Variants in HMGCLL1 observed in about 807,000 individuals in gnomAD.
The protein encoded by HMGCLL1 is 3-hydroxymethyl-3-methylglutaryl-CoA lyase, cytoplasmic.
Under a neutral mutation model 39.1 loss-of-function variants are expected in HMGCLL1, and 36 were observed. The ratio of observed to expected loss-of-function variants is 0.92; its 90% CI spans 0.71 to 1.22. HMGCLL1 has a LOEUF of 1.22. HMGCLL1 is among the 50% of genes most tolerant of loss of function. The pLI is 0.00. For synonymous variants in HMGCLL1, 149 were observed against 144.0 expected (o/e 1.03, Z -0.25); for missense variants, 451 against 416.5 (o/e 1.08, Z -0.72).
At chr6:55,618,581 G>A in the HMGCLL1 span, among the ~76,000 whole-genome samples, 1 of 151,788 alleles carries the variant, frequency 6.6e-6, no homozygotes, top group East Asian at 1.9e-4. Context: ...GTTTTAAAAA[G>A]GCCAACACAG....
chr6:55,630,103 T>C, the HMGCLL1 span, among the ~76,000 whole-genome samples: 1 of 152,106 alleles, frequency 6.6e-6, no homozygotes, highest in East Asian at 1.9e-4. Context: ...CTGGAAAAGC[T>C]GCAGACACTC....
chr6:55,669,190 A>T, the HMGCLL1 span, among the ~76,000 whole-genome samples: 1 of 151,858 alleles, frequency 6.6e-6, no homozygotes, highest in East Asian at 1.9e-4. Context: ...ATCTATCATT[A>T]GTAGCATACA....
At chr6:55,472,329 T>C (rs1333033313) in intron 7 of HMGCLL1, among the ~76,000 whole-genome samples, 1 of 151,596 alleles carries the variant, frequency 6.6e-6, no homozygotes, top group African/African-American at 2.4e-5. Flanking sequence ...GGCTGTGTGG[T>C]GGTATTTCAT....
At chr6:55,638,895 T>C in the HMGCLL1 span, among the ~76,000 whole-genome samples, 3 of 152,148 alleles carry the variant, frequency 2.0e-5, no homozygotes, top group South Asian at 2.1e-4. Context: ...ACTAAATTTA[T>C]ACCATATGGT....
intron 1 of HMGCLL1, among the ~76,000 whole-genome samples, chr6:55,576,599 G>C (rs1412348462): frequency 6.6e-6 from 1 of 152,196 alleles, no homozygotes; most frequent in Non-Finnish European, 1.5e-5. Context: ...TGGAAAGTAA[G>C]AAGACTACTG....
chr6:55,641,014 C>CA, the HMGCLL1 span, among the ~76,000 whole-genome samples: 1 of 151,144 alleles, frequency 6.6e-6, no homozygotes, highest in Admixed American at 6.6e-5. Flanking sequence ...ATGTCTAAAT[C>CA]AAAATATAAA....
intron 3 of HMGCLL1, among the ~76,000 whole-genome samples, chr6:55,539,940 A>AGAAGGAAGGAAGGAAGGAAG (rs753957303): frequency 4.4e-4 from 25 of 57,098 alleles, no homozygotes; most frequent in Non-Finnish European, 8.0e-4. Context: ...GAGGAGGAGG[A>AGAAGGAAGGAAGGAAGGAAG]GAAGGAAGGA....
At chr6:55,487,753 T>C (rs1327032292) in intron 7 of HMGCLL1, among the ~76,000 whole-genome samples, 1 of 152,046 alleles carries the variant, frequency 6.6e-6, no homozygotes, top group Non-Finnish European at 1.5e-5. Context: ...TTAGATTAAG[T>C]TCTCTAACAC....
chr6:55,621,511 C>A, the HMGCLL1 span, among the ~76,000 whole-genome samples: 47 of 151,988 alleles, frequency 3.1e-4, no homozygotes, highest in Non-Finnish European at 4.7e-4. Context: ...GTACCATGAA[C>A]CCTACTGTGA....
chr6:55,508,448 C>T lies in HMGCLL1; in HGVS notation c.542+5600G>A, dbSNP rs151233121. 4.8e-3 allele frequency among the ~76,000 whole-genome samples: 723 copies of T among 151,736 alleles called. 8 individuals are homozygous for T. Among genetic ancestry groups the T allele is most frequent in the African/African-American group, 0.016 (676 of 41,480 alleles). ...TAAATAAGATTAGAAATAAATTTAT[C>T]GAATACTTATTATTTCCAAACTTTA... On this transcript the variant is annotated intron_variant, in intron 5 of 8. Transcript: ENST00000274901.
intron 1 of HMGCLL1, among the ~76,000 whole-genome samples, chr6:55,569,435 A>T (rs4410726): frequency 6.6e-6 from 1 of 151,946 alleles, no homozygotes. Context: ...TTAATAAACA[A>T]TTTAGGTGAC....
At position 55,460,159 on chromosome 6, in the gene HMGCLL1, T is replaced by A. The variant is rs970895596; in HGVS notation, c.796-20600A>T. 1.3e-4 allele frequency among the ~76,000 whole-genome samples: 20 copies of A among 151,970 alleles called. 1 individual carries two copies. Among genetic ancestry groups the A allele is most frequent in the Admixed American group, 1.3e-3 (20 of 15,234 alleles). On this transcript the variant is annotated intron_variant, in intron 7 of 8. Transcript: ENST00000274901. ...TGAATGCATGCATGCCTCTGTAATA[T>A]ATAGCTGTGTTTTAGAAATTTTAGA...
At chr6:55,579,253 A>T (rs1196377915), upstream of HMGCLL1, 2 of 593,632 alleles carry the variant, frequency 3.4e-6, no homozygotes, top group Non-Finnish European at 6.0e-6. Flanking sequence ...CGCCTGGGGC[A>T]GCGGGTGCAC....
chr6:55,581,320 G>GT (rs558463046), upstream of HMGCLL1, among the ~76,000 whole-genome samples: 3 of 152,028 alleles, frequency 2.0e-5, no homozygotes, highest in African/African-American at 4.8e-5. Context: ...AAAAGTATTT[G>GT]TTTTTTATTT....
At chr6:55,560,462 CA>C (rs1427763035) in intron 1 of HMGCLL1, among the ~76,000 whole-genome samples, 1 of 152,066 alleles carries the variant, frequency 6.6e-6, no homozygotes, top group Non-Finnish European at 1.5e-5. Context: ...GTCCAAATTC[CA>C]ATTTCAGTTT....
At chr6:55,674,396 TA>T in the HMGCLL1 span, among the ~76,000 whole-genome samples, 101 of 141,816 alleles carry the variant, frequency 7.1e-4, no homozygotes, top group Middle Eastern at 3.5e-3. Context: ...ATCCGTGTCT[TA>T]AAAAAAAAAA....
intron 1 of HMGCLL1, among the ~76,000 whole-genome samples, chr6:55,563,613 T>C (rs906308951): frequency 1.3e-5 from 2 of 152,144 alleles, no homozygotes; most frequent in African/African-American, 4.8e-5. Context: ...TGATTAATAG[T>C]AAATGTTTCC....
upstream of HMGCLL1, among the ~76,000 whole-genome samples, chr6:55,582,532 T>G (rs1772002677): frequency 6.6e-6 from 1 of 152,182 alleles, no homozygotes; most frequent in Non-Finnish European, 1.5e-5. Flanking sequence ...GAAGAGACTC[T>G]TAGCAGTCTT....
upstream of HMGCLL1, among the ~76,000 whole-genome samples, chr6:55,582,919 T>TA (rs1353293524): frequency 2.0e-5 from 3 of 152,120 alleles, no homozygotes; most frequent in East Asian, 5.8e-4. Flanking sequence ...TCATTTCTTA[T>TA]AATAAGTTTC....
Sources: allele counts gnomAD v4.1 joint callset (sites outside exome capture counted in the v4.1 genomes callset), GRCh38; gene constraint gnomAD v4.1.1; transcripts MANE v1.5; gene names NCBI Gene and HGNC (gene_info 2026-07-23, HGNC 2026-07-21).